Variants in NAA16 observed in about 807,000 individuals in gnomAD.
NAA16 encodes the protein N-alpha-acetyltransferase 16, NatA auxiliary subunit.
A neutral mutation model predicts 110.3 loss-of-function variants in NAA16; 97 were observed. The ratio of observed to expected loss-of-function variants is 0.88; its 90% confidence interval spans 0.75 to 1.04. NAA16 has a LOEUF of 1.04. Ranked by LOEUF, NAA16 falls within the 50% of genes least tolerant of loss-of-function variation. The pLI is 0.00. For missense variants in NAA16, 1,017 were observed against 1,005.1 expected, an observed-to-expected ratio of 1.01 and a Z score of -0.16; for synonymous variants, 372 against 330.6, an observed-to-expected ratio of 1.13 and a Z score of -1.36.
chr13:41,321,329 A>G (rs552960222), intron 4 of NAA16, among the ~76,000 whole-genome samples: 1 of 152,260 alleles, frequency 6.6e-6, no homozygotes, highest in African/African-American at 2.4e-5. Flanking sequence ...GGTTTTTAAA[A>G]CATTCTTAAT....
rs182311520 is a variant in NAA16, at chr13:41,323,594, C to T, written c.537+404C>T. Among the ~76,000 whole-genome samples the T allele has an allele frequency of 3.4e-3, 513 of 151,838 alleles. 4 individuals carry two copies. Among genetic ancestry groups the T allele is most frequent in the African/African-American group, 0.012 (484 of 41,388 alleles). Reference sequence around the variant, plus strand: ...GTCTCGATCTTCCGACCTCGTGATCCGCCCACCTCGGCCTCCCAAAGTGCT... The same window carrying T: ...GTCTCGATCTTCCGACCTCGTGATCTGCCCACCTCGGCCTCCCAAAGTGCT... On this transcript the variant is annotated intron_variant, in intron 5 of 19. Coordinates refer to ENST00000379406, the MANE Select transcript of NAA16 (RefSeq NM_024561.5).
intron 7 of NAA16, among the ~76,000 whole-genome samples, chr13:41,329,499 C>G (rs1250451325): frequency 2.0e-5 from 3 of 149,196 alleles, no homozygotes; most frequent in Non-Finnish European, 4.5e-5. Context: ...GATGTTGAAA[C>G]AGCAGAATTT....
intron 14 of NAA16, among the ~76,000 whole-genome samples, chr13:41,368,219 T>A (rs2043245463): frequency 6.6e-6 from 1 of 152,198 alleles, no homozygotes; most frequent in African/African-American, 2.4e-5. Context: ...TCTGTACAGT[T>A]TTTTATTCAC....
chr13:41,335,698 A>G (rs2042361283), intron 8 of NAA16, among the ~76,000 whole-genome samples: 2 of 152,214 alleles, frequency 1.3e-5, no homozygotes, highest in African/African-American at 2.4e-5. Context: ...ATCTAATTAT[A>G]TTGAGTATGC....
chr13:41,354,886 ATT>A (rs10671840), intron 9 of NAA16, among the ~76,000 whole-genome samples: 6 of 112,482 alleles, frequency 5.3e-5, no homozygotes, highest in Admixed American at 2.1e-4. Context: ...GGAGTGGTCC[ATT>A]TTTTTTTTTT....
intron 10 of NAA16, among the ~76,000 whole-genome samples, chr13:41,357,238 T>C (rs1389790566): frequency 6.6e-6 from 1 of 152,208 alleles, no homozygotes; most frequent in Non-Finnish European, 1.5e-5. Flanking sequence ...TGAGGATCAC[T>C]GGAGCCTAGG....
intron 9 of NAA16, among the ~76,000 whole-genome samples, chr13:41,345,868 C>T (rs542115424): frequency 2.6e-5 from 4 of 152,198 alleles, no homozygotes; most frequent in South Asian, 2.1e-4. Context: ...GCCAGCACGC[C>T]GGGCCAGAAG....
chr13:41,351,818 C>A (rs754900785), intron 9 of NAA16, among the ~76,000 whole-genome samples: 52 of 152,026 alleles, frequency 3.4e-4, no homozygotes, highest in Non-Finnish European at 1.8e-4. Flanking sequence ...GTTTTTGTTG[C>A]GATCTCAGAT....
chr13:41,373,519 A>G lies in NAA16; in HGVS notation c.2156-118A>G, dbSNP rs1242642916. On this transcript the variant is annotated intron_variant, in intron 17 of 19. Coordinates refer to ENST00000379406, the MANE Select transcript of NAA16 (RefSeq NM_024561.5). ...GTGATCTGCCTGCCTCAGCCTCCCA[A>G]AGTGCTGGGATTACAGGCGTGAGCC... is the stretch of plus-strand genomic sequence containing the variant. 1.2e-4 allele frequency: 142 copies of G among 1,224,650 alleles called. 1 individual carries two copies. The highest frequency in any genetic ancestry group is 1.5e-4 in the Non-Finnish European group (139 of 949,066). 75.9% of individuals were successfully genotyped at this position (1,224,650 alleles called of 1,614,324 possible). A position where few individuals can be genotyped will look rare whatever the true frequency, so the allele number is the denominator to read the frequency against.
At chr13:41,317,278 A>G (rs182018482) in intron 2 of NAA16, among the ~76,000 whole-genome samples, 128 of 152,268 alleles carry the variant, frequency 8.4e-4, no homozygotes, top group Middle Eastern at 3.4e-3. Flanking sequence ...AAAATTTGCA[A>G]TATAGAAGTA....
rs77958839 is a variant in NAA16, at chr13:41,369,206, C to G, written c.1870C>G (p.Gln624Glu). 2 of 1,593,696 alleles carry G rather than the reference C, an allele frequency of 1.3e-6. No individual in the cohort carries two copies. Among genetic ancestry groups the G allele is most frequent in the African/African-American group, 1.4e-5 (1 of 73,278 alleles). The stretch of plus-strand genomic sequence containing the variant: ...AGAAAGAGAACGTCAACAGAAAAAT[C>G]AAAAGAAAAAAAGAGATGAAGAAGA... Reference protein sequence around the residue: ...HAERERQQKNQKKKRDEEEEE... With the variant: ...HAERERQQKNEKKKRDEEEEE... Residue 624 changes from glutamine (Q) to glutamate (E), a missense_variant, in exon 15 of 20, where the codon CAA becomes GAA. Transcript: ENST00000379406.
At position 41,375,955 on chromosome 13, in the gene NAA16, T is replaced by C. The variant is rs1374813979; in HGVS notation, c.*353T>C. ...TGTTTTATCGTATATTTGCTTGCTT[T>C]TTAATTAAAGCACATCAGTTTTAAA... On this transcript the variant is annotated 3_prime_UTR_variant, in exon 20 of 20. Transcript: ENST00000379406. 1 of 168,468 alleles carries C rather than the reference T, an allele frequency of 5.9e-6. No individual in the cohort carries two copies. The allele number at this position is 168,468 out of a possible 1,614,324, so 10.4% of individuals were successfully genotyped here. A position where few individuals can be genotyped will look rare whatever the true frequency, so the allele number is the denominator to read the frequency against.
At position 41,362,269 on chromosome 13, in the gene NAA16, GA is replaced by G. The variant is rs1026962149; in HGVS notation, c.1539+117del. 5.8e-6 allele frequency: 7 copies of G among 1,217,032 alleles called. No homozygotes were observed. The Admixed American group carries it at 1.2e-4, about 20-fold the overall frequency. The allele number at this position is 1,217,032 out of a possible 1,614,324, so 75.4% of individuals were successfully genotyped here. A position where few individuals can be genotyped will look rare whatever the true frequency, so the allele number is the denominator to read the frequency against. ...CTAACTTCTCTGGGAGCTTCATTGT[GA>G]AAAAAATTCTTGATCTTTAACCTTT... On this transcript the variant is annotated intron_variant, in intron 13 of 19. Transcript: ENST00000379406.
At chr13:41,356,146 AT>A (rs1296040056) in intron 10 of NAA16, among the ~76,000 whole-genome samples, 1 of 151,972 alleles carries the variant, frequency 6.6e-6, no homozygotes, top group African/African-American at 2.4e-5. Context: ...TGCCTAGCTG[AT>A]TTTGTGTGCG....
At chr13:41,323,291 A>G in intron 5 of NAA16, 101 bp downstream of exon 5, 1 of 1,132,130 alleles carries the variant, frequency 8.8e-7, no homozygotes. Flanking sequence ...AAACCTATGG[A>G]AAACGGGAAA....
At chr13:41,329,558 G>T (rs1814353471) in intron 7 of NAA16, among the ~76,000 whole-genome samples, 1 of 149,420 alleles carries the variant, frequency 6.7e-6, no homozygotes, top group African/African-American at 2.5e-5. Flanking sequence ...TGGTAAATAG[G>T]TAGCTACCCA....
intron 6 of NAA16, among the ~76,000 whole-genome samples, chr13:41,327,303 A>G (rs191354589): frequency 1.3e-3 from 203 of 152,270 alleles, no homozygotes; most frequent in Non-Finnish European, 2.6e-3. Flanking sequence ...ATGGTAGCAA[A>G]GAGGAAAAAA....
intron 13 of NAA16, among the ~76,000 whole-genome samples, chr13:41,363,433 A>G (rs1371925212): frequency 6.6e-6 from 1 of 152,200 alleles, no homozygotes; most frequent in Non-Finnish European, 1.5e-5. Flanking sequence ...TGAATATCCT[A>G]AGGATCATTA....
rs370277790 is a variant in NAA16, at chr13:41,371,950, A to C, written c.1948-253A>C. 2.8e-4 allele frequency among the ~76,000 whole-genome samples: 43 copies of C among 152,314 alleles called. No homozygotes were observed. In the South Asian group the frequency reaches 8.9e-3, roughly 32 times the overall value. On this transcript the variant is annotated intron_variant, in intron 15 of 19. Coordinates refer to ENST00000379406, the MANE Select transcript of NAA16 (RefSeq NM_024561.5). Reference sequence around the variant, plus strand: ...ACCATCTCTTTAAGTCTGTGGAATAACTTTATGTATTTTTTTGTTTTTAAT... The same window carrying C: ...ACCATCTCTTTAAGTCTGTGGAATACCTTTATGTATTTTTTTGTTTTTAAT...
Sources: gnomAD v4.1 joint callset for allele counts (sites outside exome capture counted in the v4.1 genomes callset) on GRCh38, gnomAD v4.1.1 for gene constraint, MANE v1.5 for transcripts, NCBI Gene and HGNC (gene_info 2026-07-23, HGNC 2026-07-21) for gene names.